Variants in OSTN observed in about 807,000 individuals in gnomAD.
The protein encoded by OSTN is osteocrin.
OSTN carries 9 observed loss-of-function variants against 12.0 expected under a neutral mutation model. The observed-to-expected ratio is 0.75, with a 90% CI of 0.45 to 1.30. The LOEUF (loss-of-function observed/expected upper bound fraction) is 1.30. Ranked by LOEUF, OSTN falls within the 50% of genes most tolerant of loss-of-function variation. The pLI is 0.00. For synonymous variants in OSTN, 59 were observed against 56.9 expected (o/e 1.04, Z -0.16); for missense variants, 148 against 152.3 (o/e 0.97, Z 0.15).
rs184756230 is a variant in OSTN at position 191,235,126 on chromosome 3, C to T, written c.318-14911C>T. On this transcript the variant is annotated intron_variant, in intron 3 of 4. Transcript: ENST00000682035. Reference sequence around the variant, plus strand: ...CTTTTCCTCCCATCCCCATGCATTCCAACCCACTCAGTGGTAGTTGTTGTT... The same window carrying T: ...CTTTTCCTCCCATCCCCATGCATTCTAACCCACTCAGTGGTAGTTGTTGTT... 1.3e-3 allele frequency among the ~76,000 whole-genome samples: 197 copies of T among 152,252 alleles called. 1 individual carries two copies. Among genetic ancestry groups the T allele is most frequent in the African/African-American group, 4.6e-3 (192 of 41,532 alleles).
intron 1 of OSTN, among the ~76,000 whole-genome samples, chr3:191,206,677 G>T (rs990290750): frequency 1.8e-4 from 28 of 152,236 alleles, no homozygotes; most frequent in African/African-American, 6.3e-4. Context: ...AGTTGGTCTA[G>T]AGAGGAAAGT....
intron 3 of OSTN, among the ~76,000 whole-genome samples, chr3:191,222,880 A>G (rs923175300): frequency 1.7e-4 from 26 of 152,024 alleles, no homozygotes; most frequent in African/African-American, 5.8e-4. Flanking sequence ...ATTTTATAAA[A>G]GGCTTTCCCT....
chr3:191,201,054 T>C (rs1187206486), intron 1 of OSTN, among the ~76,000 whole-genome samples: 1 of 152,160 alleles, frequency 6.6e-6, no homozygotes, highest in Non-Finnish European at 1.5e-5. Context: ...GAACCAACTC[T>C]CCAAATGGCT....
chr3:191,214,079 A>C (rs1457869591), intron 2 of OSTN, among the ~76,000 whole-genome samples: 1 of 152,186 alleles, frequency 6.6e-6, no homozygotes, highest in Non-Finnish European at 1.5e-5. Flanking sequence ...TTATATGACA[A>C]AAGTGGTATT....
chr3:191,244,175 T>C (rs1168778961), intron 3 of OSTN, among the ~76,000 whole-genome samples: 1 of 152,126 alleles, frequency 6.6e-6, no homozygotes, highest in Non-Finnish European at 1.5e-5. Context: ...AAAACATTTT[T>C]CCACCTGCTG....
chr3:191,206,849 C>T (rs1213101036), intron 1 of OSTN, among the ~76,000 whole-genome samples: 2 of 152,184 alleles, frequency 1.3e-5, no homozygotes, highest in Non-Finnish European at 2.9e-5. Context: ...ATTATTGTCA[C>T]TCTGTCATTT....
At position 191,212,529 on chromosome 3, in the gene OSTN, T is replaced by A. The variant is rs994832047; in HGVS notation, c.1-4T>A. ...ATGCTAACTATGACATATGTAACCC[T>A]TAGATGCTGGACTGGAGATTGGCAA... On this transcript the variant is annotated splice_region_variant and splice_polypyrimidine_tract_variant and intron_variant, in intron 1 of 4. Coordinates refer to ENST00000682035, the MANE Select transcript of OSTN (RefSeq NM_198184.2). 13 of 1,568,072 alleles carry A rather than the reference T, an allele frequency of 8.3e-6. No individual in the cohort carries two copies. The African/African-American group carries it at 1.6e-4, about 20-fold the overall frequency.
chr3:191,232,265 G>A (rs1433616837), intron 3 of OSTN, among the ~76,000 whole-genome samples: 4 of 148,066 alleles, frequency 2.7e-5, no homozygotes, highest in South Asian at 2.1e-4. Flanking sequence ...CGTGGGAGGC[G>A]GAGGTTTCAG....
At chr3:191,251,308 T>C (rs1048370123) in intron 4 of OSTN, among the ~76,000 whole-genome samples, 1 of 152,186 alleles carries the variant, frequency 6.6e-6, no homozygotes. Flanking sequence ...AAACACTAAA[T>C]AAATGTTTTT....
At position 191,206,633 on chromosome 3, in the gene OSTN, C is replaced by G. The variant is rs555715461; in HGVS notation, c.1-5900C>G. Among the ~76,000 whole-genome samples, 7 of 152,290 alleles carry G rather than the reference C, an allele frequency of 4.6e-5. No individual in the cohort carries two copies. The South Asian group carries it at 1.4e-3, about 32-fold the overall frequency. ...ACCAGTGAGCTTTAAAAGCCAGATG[C>G]AACATTAGAGGTCAGTTAGACCATC... On this transcript the variant is annotated intron_variant, in intron 1 of 4. Coordinates refer to ENST00000682035, the MANE Select transcript of OSTN (RefSeq NM_198184.2).
rs1330578334 is a variant in OSTN, at chr3:191,264,828, T to C, written c.*1975T>C. 2 of 152,202 alleles carry C rather than the reference T, an allele frequency of 1.3e-5. No homozygotes were observed. The highest frequency in any genetic ancestry group is 2.4e-5 in the African/African-American group (1 of 41,452). The allele number at this position is 152,202 out of a possible 1,614,324, so 9.4% of individuals were successfully genotyped here. A position where few individuals can be genotyped will look rare whatever the true frequency, so the allele number is the denominator to read the frequency against. On this transcript the variant is annotated 3_prime_UTR_variant, in exon 5 of 5. Coordinates refer to ENST00000682035, the MANE Select transcript of OSTN (RefSeq NM_198184.2). The stretch of plus-strand genomic sequence containing the variant: ...GCCTAAAACTTTCTCATGGTAAATA[T>C]TGGAAGTTGGATTATGCAAATTGAT...
chr3:191,204,740 A>T (rs949719907), intron 1 of OSTN, among the ~76,000 whole-genome samples: 2 of 152,238 alleles, frequency 1.3e-5, no homozygotes, highest in African/African-American at 4.8e-5. Flanking sequence ...ACTTATTGAA[A>T]TATCGAGATT....
chr3:191,201,575 C>T (rs939110487), intron 1 of OSTN, among the ~76,000 whole-genome samples: 2 of 151,884 alleles, frequency 1.3e-5, no homozygotes, highest in African/African-American at 4.8e-5. Context: ...TGTTTCTTTC[C>T]CAGGATTACA....
At chr3:191,259,110 A>G (rs967798430) in intron 4 of OSTN, among the ~76,000 whole-genome samples, 6 of 152,254 alleles carry the variant, frequency 3.9e-5, no homozygotes, top group Non-Finnish European at 7.4e-5. Flanking sequence ...GAGCTGTTAG[A>G]AGTCTTTTCT....
chr3:191,230,695 A>G (rs1294507287), intron 3 of OSTN, among the ~76,000 whole-genome samples: 2 of 152,190 alleles, frequency 1.3e-5, no homozygotes, highest in African/African-American at 4.8e-5. Context: ...GTCACAAAGG[A>G]ATGTTGCATT....
In OSTN at chr3:191,264,693, A is replaced by G. The variant is rs1483846037; in HGVS notation, c.*1840A>G. ...GTGATGAACTATAGAAATGTTTCCTATTGCTTAGAAGCTCTTTCTTTCCTT... is the reference window on the plus strand; with the variant it reads ...GTGATGAACTATAGAAATGTTTCCTGTTGCTTAGAAGCTCTTTCTTTCCTT... On this transcript the variant is annotated 3_prime_UTR_variant, in exon 5 of 5. Transcript: ENST00000682035. 1.3e-5 allele frequency: 2 copies of G among 152,112 alleles called. No homozygotes were observed. The highest frequency in any genetic ancestry group is 4.8e-5 in the African/African-American group (2 of 41,440). 9.4% of individuals were successfully genotyped at this position (152,112 alleles called of 1,614,324 possible). A position where few individuals can be genotyped will look rare whatever the true frequency, so the allele number is the denominator to read the frequency against.
At chr3:191,238,425 T>A (rs997022162) in intron 3 of OSTN, among the ~76,000 whole-genome samples, 2 of 152,160 alleles carry the variant, frequency 1.3e-5, no homozygotes, top group Non-Finnish European at 2.9e-5. Flanking sequence ...ACATTTTACA[T>A]ATGACAAGAG....
chr3:191,214,595 T>C (rs890399576), intron 2 of OSTN, among the ~76,000 whole-genome samples: 5 of 151,084 alleles, frequency 3.3e-5, no homozygotes, highest in Non-Finnish European at 7.3e-5. Flanking sequence ...TTTCAGTTTG[T>C]ACACCAGGCT....
intron 1 of OSTN, among the ~76,000 whole-genome samples, chr3:191,210,462 CAT>C (rs1714391880): frequency 6.6e-6 from 1 of 152,210 alleles, no homozygotes; most frequent in African/African-American, 2.4e-5. Context: ...AGTGATGCCT[CAT>C]ATTCTTTCAC....
Sources: allele counts gnomAD v4.1 joint callset (sites outside exome capture counted in the v4.1 genomes callset), GRCh38; gene constraint gnomAD v4.1.1; transcripts MANE v1.5; gene names NCBI Gene and HGNC (gene_info 2026-07-23, HGNC 2026-07-21).